Variants in CDH22 observed in about 807,000 individuals in gnomAD.
CDH22 encodes cadherin-22.
In CDH22, 30 loss-of-function variants were observed where a neutral mutation model predicts 58.4. The ratio of observed to expected loss-of-function variants is 0.51; its 90% CI spans 0.38 to 0.70. CDH22 has a LOEUF of 0.70. CDH22 is among the 30% of genes least tolerant of loss of function. CDH22 has a pLI of 0.00. For missense variants in CDH22, 1,014 were observed against 1,233.9 expected (o/e 0.82, Z 2.67); for synonymous variants, 513 against 558.2 (o/e 0.92, Z 1.14).
intron 3 of CDH22, among the ~76,000 whole-genome samples, chr20:46,233,906 G>C (rs553477139): frequency 6.6e-6 from 1 of 152,338 alleles, no homozygotes; most frequent in South Asian, 2.1e-4. Flanking sequence ...TTTAGAAGTT[G>C]TCTCTGCAGA....
rs909253364 is a variant in CDH22, at chr20:46,251,357, T to C, written c.-63A>G. 6.4e-6 allele frequency: 9 copies of C among 1,398,572 alleles called. No homozygotes were observed. Among genetic ancestry groups the C allele is most frequent in the African/African-American group, 1.5e-5 (1 of 65,280 alleles). 86.6% of individuals were successfully genotyped at this position (1,398,572 alleles called of 1,614,324 possible). On this transcript the variant is annotated 5_prime_UTR_variant, in exon 2 of 12. Transcript: ENST00000537909. This position sits in a 1 kb window ranked among gnomAD's most constrained non-coding sequence, Gnocchi z 6.7. ...CGAGAGGCACCAGGGCGCCGCTGCT[T>C]GGTCGCACAACGATGCGGCGCCGTG...
In CDH22 at chr20:46,174,948, G is replaced by C. The variant is rs1261690348; in HGVS notation, c.2045C>G (p.Ala682Gly). The C allele has an allele frequency of 6.3e-7, 1 of 1,599,992 alleles. No homozygotes were observed. The highest frequency in any genetic ancestry group is 8.5e-7 in the Non-Finnish European group (1 of 1,178,994). Residue 682 changes from alanine to glycine, a missense_variant, in exon 12 of 12, where the codon GCC (alanine) becomes GGC (glycine). By Grantham distance (60) the Ala-to-Gly change is moderately conservative. This residue lies in a region of CDH22 where 806 missense variants were observed against 1,038.7 expected (regional missense o/e 0.78). Coordinates refer to ENST00000537909, the MANE Select transcript of CDH22 (RefSeq NM_021248.3). This position sits in a 1 kb window ranked among gnomAD's most constrained non-coding sequence, Gnocchi z 4.4. Reference protein sequence around the residue: ...DEGGGEQDTEAYDMSALRSLY... With the variant: ...DEGGGEQDTEGYDMSALRSLY... ...GCTCCGCAGCGCCGACATGTCGTAG[G>C]CTTCGGTGTCCTGCTCGCCGCCGCC...
intron 1 of CDH22, among the ~76,000 whole-genome samples, chr20:46,267,431 C>T (rs1399317353): frequency 6.6e-6 from 1 of 152,202 alleles, no homozygotes; most frequent in East Asian, 1.9e-4. Flanking sequence ...ATTGTCACAC[C>T]ATCCTCCTGA....
intron 1 of CDH22, among the ~76,000 whole-genome samples, chr20:46,267,593 A>G (rs2086467198): frequency 1.3e-5 from 2 of 152,244 alleles, no homozygotes; most frequent in Non-Finnish European, 2.9e-5. Flanking sequence ...TCAGCTCTGC[A>G]GCTGAATGGC....
At chr20:46,262,954 C>A (rs2086440515) in intron 1 of CDH22, among the ~76,000 whole-genome samples, 2 of 152,212 alleles carry the variant, frequency 1.3e-5, no homozygotes, top group Admixed American at 1.3e-4. Flanking sequence ...CCAGCTCTGA[C>A]TCAATGTTCA....
At position 46,240,956 on chromosome 20, in the gene CDH22, A is replaced by C; in HGVS notation, c.550+7T>G. On this transcript the variant is annotated splice_region_variant and intron_variant, in intron 3 of 11. Transcript: ENST00000537909. ...CCCATCCCCCACCCCCAGGGCCCAC[A>C]GCCCACCTGTAGGTGAGAGCTCGGC... The C allele has an allele frequency of 1.2e-6, 2 of 1,606,916 alleles. No homozygotes were observed. Among genetic ancestry groups the C allele is most frequent in the Non-Finnish European group, 1.7e-6 (2 of 1,174,790 alleles).
chr20:46,208,049 G>A (rs1427395709), intron 7 of CDH22, among the ~76,000 whole-genome samples: 2 of 152,174 alleles, frequency 1.3e-5, no homozygotes, highest in Non-Finnish European at 2.9e-5. Context: ...ACAATGCAGA[G>A]GTCCTCAAAT....
intron 1 of CDH22, among the ~76,000 whole-genome samples, chr20:46,259,964 A>G (rs886391182): frequency 1.3e-5 from 2 of 152,176 alleles, no homozygotes; most frequent in African/African-American, 4.8e-5. Flanking sequence ...TCTTGTTTCT[A>G]TTTCATTTCA....
chr20:46,265,314 C>T (rs779132990), intron 1 of CDH22, among the ~76,000 whole-genome samples: 10 of 152,176 alleles, frequency 6.6e-5, no homozygotes, highest in African/African-American at 1.2e-4. Flanking sequence ...TTCCCCTCTT[C>T]CTCCTCCTCT....
chr20:46,267,766 A>G (rs555661618), intron 1 of CDH22, among the ~76,000 whole-genome samples: 8 of 152,376 alleles, frequency 5.3e-5, no homozygotes, highest in African/African-American at 1.7e-4. Context: ...TCCTACTCCA[A>G]TGCTACTTAT....
At chr20:46,209,231 G>A (rs1449245636) in intron 7 of CDH22, among the ~76,000 whole-genome samples, 1 of 152,182 alleles carries the variant, frequency 6.6e-6, no homozygotes, top group African/African-American at 2.4e-5. Context: ...AAGTGAGAGA[G>A]CGAACTATGG....
chr20:46,226,717 G>A (rs999442036), intron 4 of CDH22, among the ~76,000 whole-genome samples: 42 of 152,114 alleles, frequency 2.8e-4, no homozygotes, highest in South Asian at 8.3e-4. Context: ...ATTCTGTGCT[G>A]TCTGACATCT....
chr20:46,255,909 G>C (rs1022589586), intron 1 of CDH22, among the ~76,000 whole-genome samples: 1 of 152,146 alleles, frequency 6.6e-6, no homozygotes, highest in Non-Finnish European at 1.5e-5. Flanking sequence ...TCAGGTCTCA[G>C]CCTACTGCAC....
At chr20:46,271,771 C>T (rs1286094489) in intron 1 of CDH22, among the ~76,000 whole-genome samples, 2 of 152,198 alleles carry the variant, frequency 1.3e-5, no homozygotes, top group Non-Finnish European at 2.9e-5. Flanking sequence ...GTGTCCTTCT[C>T]TAACCCACCT....
At position 46,210,017 on chromosome 20, in the gene CDH22, AC is replaced by A; in HGVS notation, c.1286+289del. On this transcript the variant is annotated intron_variant, in intron 7 of 11. Coordinates refer to ENST00000537909, the MANE Select transcript of CDH22 (RefSeq NM_021248.3). This position sits in a 1 kb window ranked among gnomAD's most constrained non-coding sequence, Gnocchi z 4.5. ...TGTGGCTGCAGCCAGCAGCGCGGAG[AC>A]CCCGCCAGTGCAGTGCCCGCCTCTG... 1 of 341,978 alleles carries A rather than the reference AC, an allele frequency of 2.9e-6. No individual in the cohort carries two copies. The highest frequency in any genetic ancestry group is 1.0e-4 in the South Asian group (1 of 9,828). The allele number at this position is 341,978 out of a possible 1,614,324, so 21.2% of individuals were successfully genotyped here.
chr20:46,253,940 C>T (rs1474340701), intron 1 of CDH22, among the ~76,000 whole-genome samples: 1 of 152,180 alleles, frequency 6.6e-6, no homozygotes, highest in Non-Finnish European at 1.5e-5. Flanking sequence ...TGCTCTCCTT[C>T]CCTCCTTTCC....
chr20:46,199,612 C>T lies in CDH22; in HGVS notation c.1287-53G>A, dbSNP rs2085939933. On this transcript the variant is annotated intron_variant, in intron 7 of 11. Transcript: ENST00000537909. The stretch of plus-strand genomic sequence containing the variant: ...AAGGTGCCCCAGTGCCAAATGGAGC[C>T]CATGTCCTTTTCTCCCAACCCCACT... The T allele has an allele frequency of 1.5e-5, 24 of 1,584,682 alleles. No individual in the cohort carries two copies. In the South Asian group the frequency reaches 2.8e-4, roughly 18 times the overall value.
chr20:46,283,174 G>C (rs2086558657), intron 1 of CDH22, among the ~76,000 whole-genome samples: 1 of 152,232 alleles, frequency 6.6e-6, no homozygotes, highest in Admixed American at 6.5e-5. Context: ...ATGCCTGGAT[G>C]TACCTCTGGT....
chr20:46,185,040 C>T (rs1031758559), intron 10 of CDH22, among the ~76,000 whole-genome samples: 5 of 151,824 alleles, frequency 3.3e-5, no homozygotes, highest in African/African-American at 1.2e-4. Context: ...GAGCTGAGAT[C>T]GCACCACTGC....
Sources: gnomAD v4.1 joint callset for allele counts (sites outside exome capture counted in the v4.1 genomes callset) on GRCh38, gnomAD v4.1.1 for gene constraint, gnomAD v4.1.1 regional missense constraint, Gnocchi (gnomAD v3.1) non-coding constraint, MANE v1.5 for transcripts, NCBI Gene and HGNC (gene_info 2026-07-23, HGNC 2026-07-21) for gene names.